Variants in RASSF6 observed in about 807,000 individuals in gnomAD.
RASSF6 encodes ras association domain-containing protein 6.
RASSF6 carries 52 observed loss-of-function variants against 44.0 expected under a neutral mutation model. The ratio of observed to expected loss-of-function variants is 1.18; its 90% CI spans 0.95 to 1.49. The LOEUF is 1.49. Ranked by LOEUF, RASSF6 falls within the 40% of genes most tolerant of loss-of-function variation. RASSF6 has a pLI of 0.00. For synonymous variants in RASSF6, 162 were observed against 124.6 expected (o/e 1.30, Z -2.00); for missense variants, 464 against 393.3 (o/e 1.18, Z -1.52).
chr4:73,581,176 T>C (rs1036244217), intron 8 of RASSF6, among the ~76,000 whole-genome samples: 1 of 152,198 alleles, frequency 6.6e-6, no homozygotes, highest in African/African-American at 2.4e-5. Flanking sequence ...ACTTAAATTA[T>C]AGCATGAGTT....
At position 73,576,136 on chromosome 4, in the gene RASSF6, A is replaced by G. The variant is rs1723191219; in HGVS notation, c.*99T>C. The G allele has an allele frequency of 1.6e-6, 1 of 643,686 alleles. No homozygotes were observed. Among genetic ancestry groups the G allele is most frequent in the Non-Finnish European group, 2.6e-6 (1 of 380,640 alleles). 39.9% of individuals were successfully genotyped at this position (643,686 alleles called of 1,614,324 possible). A position where few individuals can be genotyped will look rare whatever the true frequency, so the allele number is the denominator to read the frequency against. On this transcript the variant is annotated 3_prime_UTR_variant, in exon 11 of 11. Transcript: ENST00000307439. The stretch of plus-strand genomic sequence containing the variant: ...TTCAATTTTCTACGATTCAAGTCTC[A>G]TATATGTTCGTATAAATGCAAGTAC...
At chr4:73,592,778 T>C (rs1560449126) in intron 4 of RASSF6, among the ~76,000 whole-genome samples, 1 of 152,272 alleles carries the variant, frequency 6.6e-6, no homozygotes, top group African/African-American at 2.4e-5. Flanking sequence ...TTTATCCTCT[T>C]ATTTTGGAGA....
intron 8 of RASSF6, among the ~76,000 whole-genome samples, chr4:73,580,118 C>T (rs1336540217): frequency 4.1e-5 from 6 of 146,476 alleles, no homozygotes; most frequent in South Asian, 4.4e-4. Flanking sequence ...TGAGAATATG[C>T]GGTGTTTGGT....
At chr4:73,578,471 C>T (rs928709330) in intron 8 of RASSF6, among the ~76,000 whole-genome samples, 1 of 152,050 alleles carries the variant, frequency 6.6e-6, no homozygotes, top group East Asian at 1.9e-4. Flanking sequence ...TTGGAACAAA[C>T]GAGAAAAGTA....
chr4:73,590,574 C>CAA (rs1724468139), intron 4 of RASSF6, among the ~76,000 whole-genome samples: 3 of 152,260 alleles, frequency 2.0e-5, no homozygotes, highest in South Asian at 4.1e-4. Context: ...ATTGAAACAA[C>CAA]AAAAGTGATA....
chr4:73,616,125 T>A (rs1200708535), intron 1 of RASSF6, among the ~76,000 whole-genome samples: 2 of 152,196 alleles, frequency 1.3e-5, no homozygotes, highest in Non-Finnish European at 2.9e-5. Flanking sequence ...ATAGCCTGTA[T>A]CTATATCTAT....
At chr4:73,617,541 G>A (rs988024378) in intron 1 of RASSF6, among the ~76,000 whole-genome samples, 5 of 152,082 alleles carry the variant, frequency 3.3e-5, no homozygotes, top group Non-Finnish European at 5.9e-5. Context: ...CAAAGATCAC[G>A]ACTCATTTTT....
chr4:73,598,830 T>C (rs1001508463), intron 2 of RASSF6, 112 bp from the exon 3 acceptor site: 4 of 520,282 alleles, frequency 7.7e-6, no homozygotes, highest in Admixed American at 4.3e-5. Context: ...AATGGAATCT[T>C]TACTGTTCTG....
At chr4:73,582,438 G>T (rs1723739894) in intron 6 of RASSF6, 148 bp from the exon 7 acceptor site, 2 of 449,104 alleles carry the variant, frequency 4.5e-6, no homozygotes, top group African/African-American at 4.0e-5. Flanking sequence ...TTTCTTTGTT[G>T]TTTTTGAATA....
At chr4:73,592,321 G>A (rs190556964) in intron 4 of RASSF6, among the ~76,000 whole-genome samples, 2 of 152,300 alleles carry the variant, frequency 1.3e-5, no homozygotes, top group East Asian at 3.9e-4. Flanking sequence ...TGGGCAAATT[G>A]TCCTGGCAGC....
intron 8 of RASSF6, among the ~76,000 whole-genome samples, chr4:73,580,607 AT>A (rs1459517919): frequency 1.4e-5 from 2 of 148,120 alleles, no homozygotes; most frequent in East Asian, 4.0e-4. Flanking sequence ...TTTGATTTGC[AT>A]TTCTCTGATG....
In RASSF6 at chr4:73,587,089, G is replaced by C. The variant is rs527921683; in HGVS notation, c.382+751C>G. 3.3e-5 allele frequency among the ~76,000 whole-genome samples: 5 copies of C among 151,970 alleles called. No homozygotes were observed. In the East Asian group the frequency reaches 9.7e-4, roughly 29 times the overall value. ...CAGTCATCAGCATCCACTACTCTTT[G>C]AATCTTATGTGTTTATGAGAATTAC... On this transcript the variant is annotated intron_variant, in intron 5 of 10. Transcript: ENST00000307439.
chr4:73,614,644 C>T (rs1293619874), intron 1 of RASSF6, among the ~76,000 whole-genome samples: 1 of 152,116 alleles, frequency 6.6e-6, no homozygotes. Context: ...TATTTGCATT[C>T]ATAAGAAATA....
chr4:73,585,291 T>G lies in RASSF6; in HGVS notation c.456A>C (p.Arg152Ser), dbSNP rs1723997691. Reference protein sequence around the residue: ...KDEPDSPVLYRTMSEAALVRK... With the variant: ...KDEPDSPVLYSTMSEAALVRK... ...TCACCAGAGCTGCTTCACTCATGGT[T>G]CTATAGAGCACTGGGGAGTCTGGTT... is the stretch of plus-strand genomic sequence containing the variant. The change falls in exon 6 of 11, where the codon AGA becomes AGC. Residue 152 changes from arginine to serine, a missense_variant. Physicochemically the swap from Arg to Ser is moderately radical, Grantham distance 110. Coordinates refer to ENST00000307439, the MANE Select transcript of RASSF6 (RefSeq NM_177532.5). The G allele has an allele frequency of 6.2e-7, 1 of 1,612,814 alleles. No homozygotes were observed. The highest frequency in any genetic ancestry group is 8.5e-7 in the Non-Finnish European group (1 of 1,179,142).
At position 73,572,814 on chromosome 4, in the gene RASSF6, C is replaced by T. The variant is rs929278892; in HGVS notation, c.*3421G>A. 6.6e-6 allele frequency: 1 copy of T among 152,070 alleles called. No individual in the cohort carries two copies. Among genetic ancestry groups the T allele is most frequent in the Non-Finnish European group, 1.5e-5 (1 of 67,998 alleles). 9.4% of individuals were successfully genotyped at this position (152,070 alleles called of 1,614,324 possible). On this transcript the variant is annotated 3_prime_UTR_variant, in exon 11 of 11. Transcript: ENST00000307439. ...AGTAACAAATATAAACTATAGAACA[C>T]TTAATACAGATAGGGAAGTTAGAAA...
rs776608439 is a variant in RASSF6, at chr4:73,587,902, T to C, written c.320A>G (p.Tyr107Cys). Reference protein sequence around the residue: ...MTRWGEFDDLYRISELDRTQI... With the variant: ...MTRWGEFDDLCRISELDRTQI... ...GGTCCTGTCCAGCTCACTAATACGA[T>C]AGAGATCGTCAAATTCCCCCCAGCG... Residue 107 changes from tyrosine to cysteine, a missense_variant, in exon 5 of 11, where the codon TAT becomes TGT. Tyr to Cys is a radical substitution (Grantham distance 194, BLOSUM62 -2). Transcript: ENST00000307439. 17 of 1,610,120 alleles carry C rather than the reference T, an allele frequency of 1.1e-5. No individual in the cohort carries two copies. The East Asian group carries it at 1.6e-4, about 15-fold the overall frequency.
At chr4:73,605,223 CATGAT>C (rs1725543664) in intron 2 of RASSF6, among the ~76,000 whole-genome samples, 1 of 152,088 alleles carries the variant, frequency 6.6e-6, no homozygotes, top group African/African-American at 2.4e-5. Context: ...GTGATACTTT[CATGAT>C]ATTTTTTAGG....
intron 8 of RASSF6, among the ~76,000 whole-genome samples, chr4:73,578,965 A>G (rs1723429239): frequency 6.6e-6 from 1 of 151,992 alleles, no homozygotes; most frequent in Non-Finnish European, 1.5e-5. Context: ...CAGGTAATCT[A>G]TCTCAATGGT....
intron 2 of RASSF6, among the ~76,000 whole-genome samples, chr4:73,603,445 G>C (rs1725413774): frequency 6.6e-6 from 1 of 152,114 alleles, no homozygotes; most frequent in South Asian, 2.1e-4. Context: ...CCCTGGAAGA[G>C]AGCTAGCCAA....
Sources: gnomAD v4.1 joint callset for allele counts (sites outside exome capture counted in the v4.1 genomes callset) on GRCh38, gnomAD v4.1.1 for gene constraint, MANE v1.5 for transcripts, NCBI Gene and HGNC (gene_info 2026-07-23, HGNC 2026-07-21) for gene names.